Variants in NELL1 observed in about 807,000 individuals in gnomAD.
NELL1 encodes protein kinase C-binding protein NELL1.
Under a neutral mutation model 107.4 loss-of-function variants are expected in NELL1, and 76 were observed. The observed-to-expected ratio is 0.71, with a 90% CI of 0.59 to 0.86. NELL1 has a LOEUF of 0.86. Ranked by LOEUF, NELL1 falls within the 40% of genes least tolerant of loss-of-function variation. NELL1 has a pLI of 0.00. For missense variants in NELL1, 1,024 were observed against 1,005.5 expected, an observed-to-expected ratio of 1.02 and a Z score of -0.25; for synonymous variants, 353 against 341.2, an observed-to-expected ratio of 1.03 and a Z score of -0.38.
chr11:21,276,784 A>G (rs577469803), intron 14 of NELL1, among the ~76,000 whole-genome samples: 2 of 152,364 alleles, frequency 1.3e-5, no homozygotes, highest in African/African-American at 4.8e-5. Context: ...CCTGACAAAA[A>G]CAAGCAATGG....
At position 21,071,273 on chromosome 11, in the gene NELL1, C is replaced by T. The variant is rs115826464; in HGVS notation, c.1301-42316C>T. On this transcript the variant is annotated intron_variant, in intron 12 of 19. Coordinates refer to ENST00000357134, the MANE Select transcript of NELL1 (RefSeq NM_006157.5). ...CATACTCTCTTTGGAGAAGGGATCA[C>T]CTCTGGTTTAAACATTGCAGTAACT... Among the ~76,000 whole-genome samples the T allele has an allele frequency of 8.8e-3, 1,334 of 152,216 alleles. 18 individuals are homozygous for T. Among genetic ancestry groups the T allele is most frequent in the African/African-American group, 0.028 (1,156 of 41,522 alleles).
At chr11:21,528,514 C>CT (rs1378605072) in intron 15 of NELL1, among the ~76,000 whole-genome samples, 1 of 38,754 alleles carries the variant, frequency 2.6e-5, no homozygotes, top group African/African-American at 6.0e-5. Context: ...CATACCCACC[C>CT]CCCCCCCCTT....
intron 3 of NELL1, among the ~76,000 whole-genome samples, chr11:20,837,530 C>A (rs996739225): frequency 1.3e-5 from 2 of 152,076 alleles, no homozygotes; most frequent in Non-Finnish European, 2.9e-5. Context: ...ATTTCGCATA[C>A]CATTCTCCAG....
At chr11:20,835,626 C>T (rs923074428) in intron 3 of NELL1, among the ~76,000 whole-genome samples, 2 of 152,110 alleles carry the variant, frequency 1.3e-5, no homozygotes, top group African/African-American at 4.8e-5. Context: ...AGAGGTGGGA[C>T]AAAATAGTAT....
chr11:21,109,819 T>C (rs1855062930), intron 12 of NELL1, among the ~76,000 whole-genome samples: 1 of 152,154 alleles, frequency 6.6e-6, no homozygotes, highest in Non-Finnish European at 1.5e-5. Context: ...TCTCTAAAGA[T>C]GTTAATTCCT....
At chr11:21,202,251 G>C (rs1407978742) in intron 13 of NELL1, among the ~76,000 whole-genome samples, 4 of 152,096 alleles carry the variant, frequency 2.6e-5, no homozygotes, top group Admixed American at 2.6e-4. Context: ...GAATCCGTCT[G>C]GTCCTGGACT....
intron 15 of NELL1, among the ~76,000 whole-genome samples, chr11:21,502,157 T>C (rs968495757): frequency 6.6e-6 from 1 of 152,156 alleles, no homozygotes; most frequent in Non-Finnish European, 1.5e-5. Context: ...GATTGTATGA[T>C]TAAAATCCAC....
chr11:20,919,366 A>G (rs777285816), intron 7 of NELL1, 32 bp downstream of exon 7: 1 of 1,351,338 alleles, frequency 7.4e-7, no homozygotes. Context: ...GTGATGTTTC[A>G]TTTCTTTTTC....
Position 21,545,260 on chromosome 11 carries a change from T to A in NELL1, c.1786+10746T>A, listed in dbSNP as rs1028948480. On this transcript the variant is annotated intron_variant, in intron 16 of 19. Coordinates refer to ENST00000357134, the MANE Select transcript of NELL1 (RefSeq NM_006157.5). ...TGCTCTCCTTTCCACTCTGATAAACTAAAGAGTTGGTTATGTGATGTCTCA... is the reference window on the plus strand; with the variant it reads ...TGCTCTCCTTTCCACTCTGATAAACAAAAGAGTTGGTTATGTGATGTCTCA... Among the ~76,000 whole-genome samples the A allele has an allele frequency of 4.8e-5, 5 of 104,654 alleles. No homozygotes were observed. In the East Asian group the frequency reaches 1.2e-3, roughly 25 times the overall value. 68.7% of individuals were successfully genotyped at this position (104,654 alleles called of 152,430 possible).
At chr11:20,695,922 A>T (rs78636072) in intron 2 of NELL1, among the ~76,000 whole-genome samples, 17 of 151,362 alleles carry the variant, frequency 1.1e-4, no homozygotes, top group African/African-American at 4.1e-4. Flanking sequence ...TTTTTGGTAG[A>T]TAGGATTTTT....
At chr11:21,486,816 T>A (rs1390132657) in intron 15 of NELL1, among the ~76,000 whole-genome samples, 2 of 152,042 alleles carry the variant, frequency 1.3e-5, no homozygotes, top group African/African-American at 4.8e-5. Context: ...AAGAAATCAT[T>A]GAATGAAATA....
intron 5 of NELL1, among the ~76,000 whole-genome samples, chr11:20,907,648 T>C (rs899102154): frequency 6.6e-6 from 1 of 152,096 alleles, no homozygotes; most frequent in Non-Finnish European, 1.5e-5. Context: ...GGTGGAAATA[T>C]AAAATCATGT....
chr11:21,301,623 T>G (rs1849493462), intron 14 of NELL1, among the ~76,000 whole-genome samples: 1 of 152,138 alleles, frequency 6.6e-6, no homozygotes, highest in Non-Finnish European at 1.5e-5. Context: ...TTGCTTAAGT[T>G]CTTGGTAGTT....
intron 2 of NELL1, among the ~76,000 whole-genome samples, chr11:20,753,122 C>T (rs1856180011): frequency 6.6e-6 from 1 of 152,190 alleles, no homozygotes; most frequent in African/African-American, 2.4e-5. Flanking sequence ...TAAACAATTT[C>T]TAATCCTGAG....
intron 15 of NELL1, among the ~76,000 whole-genome samples, chr11:21,487,362 C>A (rs917324862): frequency 2.0e-5 from 3 of 151,998 alleles, no homozygotes; most frequent in African/African-American, 7.3e-5. Context: ...GTAAAATTAC[C>A]CTTCATAAGT....
At chr11:21,201,749 T>A (rs1857275036) in intron 13 of NELL1, among the ~76,000 whole-genome samples, 1 of 152,216 alleles carries the variant, frequency 6.6e-6, no homozygotes, top group Non-Finnish European at 1.5e-5. Context: ...TTCAGTATGA[T>A]GTTGGCTGTA....
At chr11:21,146,022 C>A (rs936564185) in intron 13 of NELL1, among the ~76,000 whole-genome samples, 2 of 152,116 alleles carry the variant, frequency 1.3e-5, no homozygotes, top group African/African-American at 4.8e-5. Flanking sequence ...TTCTGCCTCC[C>A]TTGGACAATA....
At chr11:21,566,351 G>C (rs927535055) in intron 17 of NELL1, among the ~76,000 whole-genome samples, 4 of 151,614 alleles carry the variant, frequency 2.6e-5, no homozygotes, top group African/African-American at 7.3e-5. Flanking sequence ...CTGATATATT[G>C]ACTGAAATAC....
At chr11:21,099,984 C>G (rs559772445) in intron 12 of NELL1, among the ~76,000 whole-genome samples, 12 of 151,794 alleles carry the variant, frequency 7.9e-5, no homozygotes, top group South Asian at 2.1e-4. Flanking sequence ...ACAAATTGTG[C>G]TAAAATGTAT....
Sources: allele counts gnomAD v4.1 joint callset (sites outside exome capture counted in the v4.1 genomes callset), GRCh38; gene constraint gnomAD v4.1.1; transcripts MANE v1.5; gene names NCBI Gene and HGNC (gene_info 2026-07-23, HGNC 2026-07-21).